Variants in WDR64 observed in about 807,000 individuals in gnomAD.
The protein encoded by WDR64 is WD repeat domain 64, also known as WD repeat-containing protein 64.
WDR64 carries 112 observed loss-of-function variants against 139.3 expected under a neutral mutation model. That is an observed-to-expected ratio of 0.80 (90% CI 0.69 to 0.94). The LOEUF is 0.94. Among genes scored for constraint, WDR64 ranks in the 40% least tolerant of loss-of-function variants. The probability of loss-of-function intolerance (pLI) is 0.00; values close to 1 mark genes in which losing one functional copy is unlikely to be tolerated. For missense variants in WDR64, 1,206 were observed against 1,293.1 expected, an observed-to-expected ratio of 0.93 and a Z score of 1.03; for synonymous variants, 444 against 437.7, an observed-to-expected ratio of 1.01 and a Z score of -0.18.
intron 16 of WDR64, among the ~76,000 whole-genome samples, chr1:241,767,571 C>T (rs1012567398): frequency 4.0e-5 from 6 of 151,490 alleles, no homozygotes; most frequent in Admixed American, 6.6e-5. Context: ...ATTTGGGGGA[C>T]GGGAAGAGAT....
At chr1:241,758,013 A>G (rs893710106) in intron 15 of WDR64, among the ~76,000 whole-genome samples, 1 of 152,208 alleles carries the variant, frequency 6.6e-6, no homozygotes, top group Non-Finnish European at 1.5e-5. Flanking sequence ...AACAACCAAG[A>G]TCCAAACAAG....
chr1:241,746,967 C>G (rs1669783551), intron 13 of WDR64, among the ~76,000 whole-genome samples: 1 of 152,044 alleles, frequency 6.6e-6, no homozygotes, highest in Non-Finnish European at 1.5e-5. Context: ...GCTATGTTGC[C>G]CAGGCTGGTC....
At chr1:241,653,549 T>TC (rs956250834) in intron 1 of WDR64, among the ~76,000 whole-genome samples, 1 of 151,222 alleles carries the variant, frequency 6.6e-6, no homozygotes, top group East Asian at 1.9e-4. Flanking sequence ...TTTTCTTTTT[T>TC]TTTTTTTTTC....
intron 9 of WDR64, 138 bp from the exon 10 acceptor site, chr1:241,723,159 C>T: frequency 8.8e-7 from 1 of 1,142,462 alleles, no homozygotes; most frequent in Non-Finnish European, 1.2e-6. Flanking sequence ...GCACATCAAT[C>T]ACAGAATAAT....
intron 19 of WDR64, among the ~76,000 whole-genome samples, chr1:241,772,226 T>C (rs891383863): frequency 6.7e-6 from 1 of 148,714 alleles, no homozygotes; most frequent in African/African-American, 2.4e-5. Context: ...GTATAGAAGC[T>C]TTTGCAATAT....
intron 20 of WDR64, among the ~76,000 whole-genome samples, chr1:241,773,275 G>C (rs574853309): frequency 6.6e-6 from 1 of 152,186 alleles, no homozygotes; most frequent in East Asian, 1.9e-4. Context: ...ATTGAGAAAA[G>C]AATGTTCAAC....
intron 10 of WDR64, among the ~76,000 whole-genome samples, chr1:241,737,938 C>T (rs897558178): frequency 1.3e-5 from 2 of 152,096 alleles, no homozygotes; most frequent in Non-Finnish European, 2.9e-5. Context: ...TAAGATGTTC[C>T]CATCGTCATA....
rs768589471 is a variant in WDR64 at position 241,738,507 on chromosome 1, A to G, written c.1321+18A>G. The G allele has an allele frequency of 6.3e-7, 1 of 1,594,832 alleles. No homozygotes were observed. The highest frequency in any genetic ancestry group is 1.1e-5 in the South Asian group (1 of 87,370). On this transcript the variant is annotated intron_variant, in intron 11 of 27. Coordinates refer to ENST00000437684, the MANE Select transcript of WDR64 (RefSeq NM_001367482.1). Reference sequence around the variant, plus strand: ...TATTACGGGTAAGTGTACCCAATTAATGTCAAACGAAACTCATGTCTTGAT... The same window carrying G: ...TATTACGGGTAAGTGTACCCAATTAGTGTCAAACGAAACTCATGTCTTGAT...
chr1:241,667,845 T>A (rs1666079177), intron 2 of WDR64, among the ~76,000 whole-genome samples: 1 of 152,200 alleles, frequency 6.6e-6, no homozygotes, highest in African/African-American at 2.4e-5. Flanking sequence ...AGCCAATAAG[T>A]GGAAACCATT....
At chr1:241,754,943 G>A (rs981392865) in intron 14 of WDR64, among the ~76,000 whole-genome samples, 2 of 152,100 alleles carry the variant, frequency 1.3e-5, no homozygotes, top group Non-Finnish European at 1.5e-5. Context: ...TTGTATATGT[G>A]CCACAGTTTC....
In WDR64 at chr1:241,705,231, A is replaced by T. The variant is rs915416609; in HGVS notation, c.975-6571A>T. On this transcript the variant is annotated intron_variant, in intron 8 of 27. Coordinates refer to ENST00000437684, the MANE Select transcript of WDR64 (RefSeq NM_001367482.1). ...CTACTCGCTTCCTCATGGAGAATTT[A>T]TTTTTTTTCTTTTTAGAGACAAGGT... Among the ~76,000 whole-genome samples, 6 of 151,814 alleles carry T rather than the reference A, an allele frequency of 4.0e-5. No homozygotes were observed. The East Asian group carries it at 1.2e-3, about 29-fold the overall frequency.
chr1:241,693,626 G>T (rs1667383663), intron 8 of WDR64, among the ~76,000 whole-genome samples: 1 of 152,156 alleles, frequency 6.6e-6, no homozygotes. Context: ...GAGAGACTGT[G>T]CATGTGTGGG....
At chr1:241,787,604 G>A (rs576753883) in intron 23 of WDR64, among the ~76,000 whole-genome samples, 15 of 149,972 alleles carry the variant, frequency 1.0e-4, no homozygotes, top group African/African-American at 3.5e-4. Context: ...GGCAGAGGTT[G>A]CAGTGAGTCG....
At chr1:241,753,443 C>T (rs1670051603) in intron 14 of WDR64, among the ~76,000 whole-genome samples, 1 of 152,202 alleles carries the variant, frequency 6.6e-6, no homozygotes, top group Non-Finnish European at 1.5e-5. Flanking sequence ...GTGGCTCACG[C>T]CTGTAATCTC....
At chr1:241,722,655 T>C (rs1169076066) in intron 9 of WDR64, among the ~76,000 whole-genome samples, 1 of 152,208 alleles carries the variant, frequency 6.6e-6, no homozygotes, top group Non-Finnish European at 1.5e-5. Flanking sequence ...GAAATATATC[T>C]AATTTATATT....
chr1:241,740,948 TCTA>T (rs1414060538), intron 11 of WDR64, among the ~76,000 whole-genome samples: 1 of 152,240 alleles, frequency 6.6e-6, no homozygotes, highest in Non-Finnish European at 1.5e-5. Context: ...CTCATCTACT[TCTA>T]CTTTACAGTG....
At chr1:241,748,818 C>T (rs796917753) in intron 13 of WDR64, among the ~76,000 whole-genome samples, 3 of 151,642 alleles carry the variant, frequency 2.0e-5, no homozygotes, top group South Asian at 2.1e-4. Flanking sequence ...TGGGCGCCTG[C>T]AGTCCCAGCT....
intron 2 of WDR64, among the ~76,000 whole-genome samples, chr1:241,668,895 G>A (rs1208268540): frequency 4.2e-5 from 6 of 142,740 alleles, no homozygotes; most frequent in East Asian, 2.1e-4. Context: ...GCAAGACTCC[G>A]TCAAAAAAAA....
chr1:241,735,540 T>C (rs1669273439), intron 10 of WDR64, among the ~76,000 whole-genome samples: 1 of 144,222 alleles, frequency 6.9e-6, no homozygotes, highest in South Asian at 2.3e-4. Context: ...TCTCTTTTTT[T>C]TTTTTTTTTT....
Sources: allele counts gnomAD v4.1 joint callset (sites outside exome capture counted in the v4.1 genomes callset), GRCh38; gene constraint gnomAD v4.1.1; transcripts MANE v1.5; gene names NCBI Gene and HGNC (gene_info 2026-07-23, HGNC 2026-07-21).